The following ZNF334 variants were observed in gnomAD, a reference collection of about 807,000 sequenced individuals.
ZNF334 encodes the protein zinc finger protein 334.
In ZNF334, 14 loss-of-function variants were observed where a neutral mutation model predicts 12.4. The ratio of observed to expected loss-of-function variants is 1.13; its 90% CI spans 0.74 to 1.76. The LOEUF (loss-of-function observed/expected upper bound fraction) is 1.76, where lower values mean the gene tolerates loss of function less well. Among genes scored for constraint, ZNF334 ranks in the 40% most tolerant of loss-of-function variants. The pLI is 0.00. For missense variants in ZNF334, 797 were observed against 804.5 expected, an observed-to-expected ratio of 0.99 and a Z score of 0.11; for synonymous variants, 273 against 269.6, an observed-to-expected ratio of 1.01 and a Z score of -0.12.
chr20:46,512,033 T>C (rs760894376), intron 2 of ZNF334, 49 bp downstream of exon 2: 7 of 1,594,724 alleles, frequency 4.4e-6, no homozygotes, highest in Non-Finnish European at 6.0e-6. Flanking sequence ...ACTCTAAACC[T>C]CTTGAAATTC....
chr20:46,510,209 G>A (rs1204743314), intron 2 of ZNF334, among the ~76,000 whole-genome samples: 2 of 152,126 alleles, frequency 1.3e-5, no homozygotes, highest in African/African-American at 2.4e-5. Flanking sequence ...GATCACGTTG[G>A]CATTTTGGAG....
At chr20:46,508,583 G>T (rs368805110) in intron 2 of ZNF334, among the ~76,000 whole-genome samples, 1 of 152,206 alleles carries the variant, frequency 6.6e-6, no homozygotes, top group Non-Finnish European at 1.5e-5. Context: ...GACCACCATC[G>T]TTCTTCAGAG....
rs761359341 is a variant in ZNF334, at chr20:46,502,793, T to C, written c.546A>G (p.Arg182=). The part of the protein sequence containing the change: ...EKSHLGMKKY[R]YNPMRKASNQ... ...TGCTGGCTTTCCTCATTGGATTGTATCTGTATTTTTTCATTCCCAAATGAC... is the reference window on the plus strand; with the variant it reads ...TGCTGGCTTTCCTCATTGGATTGTACCTGTATTTTTTCATTCCCAAATGAC... The change falls in exon 5 of 5, where the codon AGA becomes AGG. Residue 182 remains arginine, a synonymous_variant. Transcript: ENST00000692313. 6.2e-7 allele frequency: 1 copy of C among 1,613,806 alleles called. No homozygotes were observed. The highest frequency in any genetic ancestry group is 1.3e-5 in the African/African-American group (1 of 74,938).
the ZNF334 span, among the ~76,000 whole-genome samples, chr20:46,479,710 CT>C: frequency 6.6e-6 from 1 of 152,166 alleles, no homozygotes; most frequent in Admixed American, 6.5e-5. Flanking sequence ...GCAGCCCAGT[CT>C]TTCTGGGATC....
In ZNF334 at chr20:46,510,009, T is replaced by A. The variant is rs567255872; in HGVS notation, c.21+2073A>T. ...TCATTCAAGCTGAATGTAGACCATCTAGCATAGCGTATCACACACAATTGT... is the reference window on the plus strand; with the variant it reads ...TCATTCAAGCTGAATGTAGACCATCAAGCATAGCGTATCACACACAATTGT... On this transcript the variant is annotated intron_variant, in intron 2 of 4. Transcript: ENST00000692313. Among the ~76,000 whole-genome samples, 8 of 152,334 alleles carry A rather than the reference T, an allele frequency of 5.3e-5. No homozygotes were observed. The East Asian group carries it at 1.3e-3, about 26-fold the overall frequency.
chr20:46,503,215 A>C (rs2061313885), intron 4 of ZNF334, 118 bp from the exon 5 acceptor site: 1 of 1,190,446 alleles, frequency 8.4e-7, no homozygotes, highest in Admixed American at 3.4e-5. Context: ...GCCTTCCAAG[A>C]TTAAACAAAT....
chr20:46,500,918 T>C lies in ZNF334; in HGVS notation c.*378A>G, dbSNP rs1262823561. 5.3e-6 allele frequency: 1 copy of C among 187,552 alleles called. No individual in the cohort carries two copies. Among genetic ancestry groups the C allele is most frequent in the Non-Finnish European group, 1.1e-5 (1 of 89,134 alleles). The allele number at this position is 187,552 out of a possible 1,614,324, so 11.6% of individuals were successfully genotyped here. On this transcript the variant is annotated 3_prime_UTR_variant, in exon 5 of 5. Transcript: ENST00000692313. ...TGTAACTTACTCAACTATCAAACAA[T>C]GGTATTGATTTGAAATGAAGGTCAG...
At chr20:46,505,001 G>A (rs2061381274) in intron 2 of ZNF334, 1 of 318,862 alleles carries the variant, frequency 3.1e-6, no homozygotes, top group South Asian at 1.3e-4. Context: ...TTACTCTTTA[G>A]GAGCATACAT....
At position 46,501,772 on chromosome 20, in the gene ZNF334, C is replaced by T. The variant is rs2036222003; in HGVS notation, c.1567G>A (p.Gly523Arg). The T allele has an allele frequency of 1.2e-6, 2 of 1,614,152 alleles. No individual in the cohort carries two copies. Among genetic ancestry groups the T allele is most frequent in the Non-Finnish European group, 1.7e-6 (2 of 1,180,016 alleles). The change falls in exon 5 of 5, where the codon GGG (glycine) becomes AGG (arginine). Residue 523 changes from glycine to arginine, a missense_variant. Gly to Arg is a moderately radical substitution (Grantham distance 125, BLOSUM62 -2). Transcript: ENST00000692313. The stretch of plus-strand genomic sequence containing the variant: ...TGTGAGTTTTTGCTGACGGCATGCC[C>T]ATGTTCACTACACTCATAAAGATTC... ...KENLYECSEH[G>R]HAVSKNSHLI...
chr20:46,494,253 A>G, the ZNF334 span, among the ~76,000 whole-genome samples: 1 of 152,184 alleles, frequency 6.6e-6, no homozygotes. Context: ...TGTTTAGCCA[A>G]GTGGGATGGG....
the ZNF334 span, among the ~76,000 whole-genome samples, chr20:46,472,958 A>G: frequency 6.6e-6 from 1 of 152,340 alleles, no homozygotes; most frequent in Non-Finnish European, 1.5e-5. Flanking sequence ...GATATATTAG[A>G]AACAGAGAAG....
the ZNF334 span, chr20:46,476,881 T>A: frequency 6.6e-6 from 1 of 152,234 alleles, no homozygotes; most frequent in Non-Finnish European, 1.5e-5. Flanking sequence ...TTGGGATATA[T>A]CCTATCAGGA....
chr20:46,464,581 C>A, the ZNF334 span: 1 of 412,766 alleles, frequency 2.4e-6, no homozygotes, highest in South Asian at 2.0e-5. Flanking sequence ...CTCTGGGCAG[C>A]ATCCATTGGA....
chr20:46,471,517 A>G, the ZNF334 span, among the ~76,000 whole-genome samples: 1 of 152,210 alleles, frequency 6.6e-6, no homozygotes. Context: ...TGTCCTATTT[A>G]AGACACCTTT....
At chr20:46,506,562 G>A in intron 2 of ZNF334, 1 of 382,488 alleles carries the variant, frequency 2.6e-6, no homozygotes. Context: ...GTTGCAGTGA[G>A]CTCAGATTGT....
At chr20:46,480,878 C>T in the ZNF334 span, among the ~76,000 whole-genome samples, 1 of 152,154 alleles carries the variant, frequency 6.6e-6, no homozygotes, top group Non-Finnish European at 1.5e-5. Context: ...TAGAGTCTCA[C>T]ACTTTGACAC....
the ZNF334 span, among the ~76,000 whole-genome samples, chr20:46,485,982 T>A: frequency 5.0e-4 from 76 of 152,304 alleles, 1 homozygote; most frequent in Admixed American, 9.8e-4. Context: ...ACTTTCACAT[T>A]TACTGCAAGA....
chr20:46,464,152 A>G, the ZNF334 span: 1 of 537,630 alleles, frequency 1.9e-6, no homozygotes, highest in Non-Finnish European at 3.7e-6. Context: ...GCCATCAGGG[A>G]ATACCTGCTT....
In ZNF334 at chr20:46,501,739, CAAT is replaced by C; in HGVS notation, c.1597_1599del (p.Ile533del). 3 of 1,614,092 alleles carry C rather than the reference CAAT, an allele frequency of 1.9e-6. No homozygotes were observed. In the South Asian group the frequency reaches 3.3e-5, roughly 18 times the overall value. On this transcript the variant is annotated inframe_deletion, in exon 5 of 5. Coordinates refer to ENST00000692313, the MANE Select transcript of ZNF334 (RefSeq NM_001353824.2). Reference sequence around the variant, plus strand: ...CTCTCCCATATAGTTCTCTGATGTACAATGAGGTGTGAGTTTTTGCTGACGGCA... The same window carrying C: ...CTCTCCCATATAGTTCTCTGATGTACGAGGTGTGAGTTTTTGCTGACGGCA...
Sources: allele counts gnomAD v4.1 joint callset (sites outside exome capture counted in the v4.1 genomes callset), GRCh38; gene constraint gnomAD v4.1.1; transcripts MANE v1.5; gene names NCBI Gene and HGNC (gene_info 2026-07-23, HGNC 2026-07-21).